The following RALGAPA1 variants were observed in gnomAD, a reference collection of about 807,000 sequenced individuals.
RALGAPA1 encodes the protein ral GTPase-activating protein subunit alpha-1.
A neutral mutation model predicts 269.6 loss-of-function variants in RALGAPA1; 52 were observed. That is an observed-to-expected ratio of 0.19 (90% CI 0.15 to 0.24). The LOEUF is 0.24. Among genes scored for constraint, RALGAPA1 ranks in the 10% least tolerant of loss-of-function variants. RALGAPA1 has a pLI of 1.00. For synonymous variants in RALGAPA1, 817 were observed against 1,008.3 expected (o/e 0.81, Z 3.60); for missense variants, 1,917 against 3,013.9 (o/e 0.64, Z 8.52).
intron 35 of RALGAPA1, among the ~76,000 whole-genome samples, chr14:35,620,219 T>G (rs2060524851): frequency 6.6e-6 from 1 of 152,138 alleles, no homozygotes; most frequent in Non-Finnish European, 1.5e-5. Context: ...CGCAAATCAA[T>G]AAACGTCATC....
In RALGAPA1 at chr14:35,689,521, C is replaced by T. The variant is rs2066297373; in HGVS notation, c.2890G>A (p.Ala964Thr). The T allele has an allele frequency of 1.6e-6, 2 of 1,239,300 alleles. No homozygotes were observed. The highest frequency in any genetic ancestry group is 2.0e-6 in the Non-Finnish European group (2 of 993,038). The allele number at this position is 1,239,300 out of a possible 1,614,324, so 76.8% of individuals were successfully genotyped here. A position where few individuals can be genotyped will look rare whatever the true frequency, so the allele number is the denominator to read the frequency against. ...ACTGCAATAGTCACTTCCTGAGAAG[C>T]TGGGTCTTTCCCTGTCTCATTTTTA... ...HSKNETGKDP[A>T]SQEVTIAVNR... Residue 964 changes from alanine to threonine, a missense_variant, in exon 18 of 42, where the codon GCT becomes ACT. Around this residue, in one of 11 missense-constraint regions of RALGAPA1, gnomAD observed 615 missense variants for 790.0 expected, o/e 0.78. Coordinates refer to ENST00000680220, the MANE Select transcript of RALGAPA1 (RefSeq NM_001346249.2).
intron 36 of RALGAPA1, 86 bp downstream of exon 36, chr14:35,605,500 A>T: frequency 1.5e-6 from 2 of 1,372,402 alleles, no homozygotes; most frequent in Non-Finnish European, 2.0e-6. Context: ...CTCCTAAAAT[A>T]ATACTTCTAT....
chr14:35,553,968 GT>G (rs1454007667), intron 39 of RALGAPA1, among the ~76,000 whole-genome samples: 1 of 152,146 alleles, frequency 6.6e-6, no homozygotes, highest in Non-Finnish European at 1.5e-5. Context: ...CTTCTTTGCA[GT>G]TTCAGCACTT....
At chr14:35,776,658 G>T (rs1391024035) in intron 1 of RALGAPA1, among the ~76,000 whole-genome samples, 1 of 152,096 alleles carries the variant, frequency 6.6e-6, no homozygotes, top group Non-Finnish European at 1.5e-5. Context: ...AAGCACAAAG[G>T]TGGGGAAAGA....
intron 37 of RALGAPA1, among the ~76,000 whole-genome samples, chr14:35,576,460 G>A (rs1044411290): frequency 2.6e-5 from 4 of 152,256 alleles, no homozygotes; most frequent in Admixed American, 2.6e-4. Flanking sequence ...TGCTATTCAT[G>A]TGCTGGCTCT....
intron 25 of RALGAPA1, 139 bp from the exon 26 acceptor site, chr14:35,671,656 T>C (rs970992524): frequency 2.2e-6 from 1 of 462,140 alleles, no homozygotes; most frequent in African/African-American, 2.0e-5. Context: ...GAAAGACTAA[T>C]TTCAATTCTT....
chr14:35,725,416 T>C (rs532713401), intron 13 of RALGAPA1, among the ~76,000 whole-genome samples: 1 of 152,280 alleles, frequency 6.6e-6, no homozygotes, highest in South Asian at 2.1e-4. Flanking sequence ...CTGGAAGTGA[T>C]AATGTGGAGA....
chr14:35,772,979 C>G (rs1247966290), intron 3 of RALGAPA1, among the ~76,000 whole-genome samples: 1 of 152,168 alleles, frequency 6.6e-6, no homozygotes, highest in Non-Finnish European at 1.5e-5. Context: ...ACATGAGACA[C>G]ATAAACTCTT....
At chr14:35,750,846 T>C (rs1370687937) in intron 8 of RALGAPA1, among the ~76,000 whole-genome samples, 156 bp from the exon 9 acceptor site, 1 of 152,168 alleles carries the variant, frequency 6.6e-6, no homozygotes, top group Non-Finnish European at 1.5e-5. Context: ...TTGCCAGATG[T>C]TTGCATGGAA....
chr14:35,783,656 T>C (rs926584782), intron 1 of RALGAPA1, among the ~76,000 whole-genome samples: 2 of 152,182 alleles, frequency 1.3e-5, no homozygotes, highest in African/African-American at 4.8e-5. Flanking sequence ...AGAAAATATT[T>C]GCAAATTATA....
intron 16 of RALGAPA1, among the ~76,000 whole-genome samples, chr14:35,718,535 G>A (rs1395265220): frequency 6.6e-6 from 1 of 152,088 alleles, no homozygotes; most frequent in Non-Finnish European, 1.5e-5. Context: ...AAACATAAAG[G>A]CTGGGCACAG....
At chr14:35,718,284 T>C (rs2069029191) in intron 16 of RALGAPA1, among the ~76,000 whole-genome samples, 1 of 152,228 alleles carries the variant, frequency 6.6e-6, no homozygotes, top group Non-Finnish European at 1.5e-5. Context: ...AGCAATTCCA[T>C]AGTGAGTACT....
chr14:35,542,428 C>A (rs2054098480), intron 41 of RALGAPA1: 1 of 157,710 alleles, frequency 6.3e-6, no homozygotes, highest in Admixed American at 6.4e-5. Context: ...TCTTCCATGT[C>A]TTCCTCACTG....
intron 16 of RALGAPA1, among the ~76,000 whole-genome samples, chr14:35,715,336 GT>G (rs1186989233): frequency 6.7e-6 from 1 of 148,658 alleles, no homozygotes. Flanking sequence ...GCTTAATATT[GT>G]TTTTTTTTCT....
chr14:35,759,742 T>A (rs1473771505), intron 6 of RALGAPA1, among the ~76,000 whole-genome samples: 1 of 151,714 alleles, frequency 6.6e-6, no homozygotes, highest in African/African-American at 2.4e-5. Context: ...AAACCCTGTC[T>A]CTACTAAAAA....
At chr14:35,748,385 T>TC in intron 10 of RALGAPA1, 200 bp downstream of exon 10, 1 of 340,580 alleles carries the variant, frequency 2.9e-6, no homozygotes. Context: ...GCTCTTTTTT[T>TC]TTTTTTTTTT....
chr14:35,569,660 G>C (rs1594626453), intron 39 of RALGAPA1, among the ~76,000 whole-genome samples: 1 of 152,006 alleles, frequency 6.6e-6, no homozygotes, highest in African/African-American at 2.4e-5. Context: ...TGTTCCCTCT[G>C]CTTGGAAGGC....
intron 37 of RALGAPA1, among the ~76,000 whole-genome samples, chr14:35,580,213 C>A (rs531920718): frequency 2.0e-5 from 3 of 152,232 alleles, no homozygotes; most frequent in African/African-American, 2.4e-5. Flanking sequence ...AAGTATGTTA[C>A]AATTATCTCA....
At chr14:35,654,059 A>C (rs2063018899) in intron 30 of RALGAPA1, among the ~76,000 whole-genome samples, 1 of 152,182 alleles carries the variant, frequency 6.6e-6, no homozygotes, top group African/African-American at 2.4e-5. Flanking sequence ...GCTGGTCTCT[A>C]AGTCCTGGCC....
Sources: gnomAD v4.1 joint callset for allele counts (sites outside exome capture counted in the v4.1 genomes callset) on GRCh38, gnomAD v4.1.1 for gene constraint, gnomAD v4.1.1 regional missense constraint, MANE v1.5 for transcripts, NCBI Gene and HGNC (gene_info 2026-07-23, HGNC 2026-07-21) for gene names.